SPATA2L: variants seen among roughly 807,000 people sequenced by gnomAD.
SPATA2L encodes spermatogenesis associated 2 like.
In SPATA2L, 5 loss-of-function variants were observed where a neutral mutation model predicts 8.7. The ratio of observed to expected loss-of-function variants is 0.57; its 90% CI spans 0.30 to 1.21. The LOEUF is 1.21. Among genes scored for constraint, SPATA2L ranks in the 50% most tolerant of loss-of-function variants. The probability of loss-of-function intolerance (pLI) is 0.07; values close to 1 mark genes in which losing one functional copy is unlikely to be tolerated. For missense variants in SPATA2L, 671 were observed against 591.0 expected (o/e 1.14, Z -1.40); for synonymous variants, 358 against 275.8 (o/e 1.30, Z -2.95).
rs553935508 is a variant in SPATA2L, at chr16:89,698,520, C to G, written c.304-215G>C. Among the ~76,000 whole-genome samples the G allele has an allele frequency of 1.3e-4, 14 of 106,834 alleles. No homozygotes were observed. The East Asian group carries it at 1.6e-3, about 12-fold the overall frequency. 70.1% of individuals were successfully genotyped at this position (106,834 alleles called of 152,430 possible). A position where few individuals can be genotyped will look rare whatever the true frequency, so the allele number is the denominator to read the frequency against. On this transcript the variant is annotated intron_variant, in intron 2 of 2. Coordinates refer to ENST00000289805, the MANE Select transcript of SPATA2L (RefSeq NM_152339.4). ...TTTTTTTTTGAGACAGAGTCTTGCT[C>G]TGTCATCCAGGCTGGAGTGCAGTGG...
intron 2 of SPATA2L, 119 bp from the exon 3 acceptor site, chr16:89,698,424 C>A: frequency 2.7e-6 from 3 of 1,105,792 alleles, no homozygotes; most frequent in Non-Finnish European, 3.8e-6. Context: ...CAGACCCAAC[C>A]CCAGAGACTA....
chr16:89,699,085 C>G (rs765008250), intron 2 of SPATA2L, among the ~76,000 whole-genome samples: 1 of 152,020 alleles, frequency 6.6e-6, no homozygotes, highest in African/African-American at 2.4e-5. Context: ...CGCACCTGGC[C>G]GAATTTCTTA....
Position 89,697,436 on chromosome 16 carries a change from G to T in SPATA2L, c.1173C>A (p.Gly391=). The change falls in exon 3 of 3, where the codon GGC becomes GGA. Residue 391 remains glycine (G), a synonymous_variant. Coordinates refer to ENST00000289805, the MANE Select transcript of SPATA2L (RefSeq NM_152339.4). The part of the protein sequence containing the change: ...HCAALPACRP[G]HSLRVLLGDA... ...CGCCAAGCAGCACACGCAGCGAGTG[G>T]CCTGGACGGCAGGCGGGCAGGGCTG... is the stretch of plus-strand genomic sequence containing the variant. 1 of 1,606,504 alleles carries T rather than the reference G, an allele frequency of 6.2e-7. No homozygotes were observed. Among genetic ancestry groups the T allele is most frequent in the African/African-American group, 1.3e-5 (1 of 74,954 alleles).
rs140781725 is a variant in SPATA2L, at chr16:89,698,281, C to T, written c.328G>A (p.Val110Met). The change falls in exon 3 of 3, where the codon GTG becomes ATG. Residue 110 changes from valine (V) to methionine (M), a missense_variant. Transcript: ENST00000289805. ...IKTFSGGYVH[V>M]LKGVLSDDLL... Reference sequence around the variant, plus strand: ...TCGTCTGAGAGCACACCCTTCAGCACGTGCACGTAGCCCCCAGAGAAGGTC... The same window carrying T: ...TCGTCTGAGAGCACACCCTTCAGCATGTGCACGTAGCCCCCAGAGAAGGTC... 6.3e-6 allele frequency: 10 copies of T among 1,579,716 alleles called. 1 individual carries two copies. In the East Asian group the frequency reaches 9.0e-5, roughly 14 times the overall value.
chr16:89,697,291 G>A lies in SPATA2L; in HGVS notation c.*43C>T, dbSNP rs548188626. 40 of 1,474,748 alleles carry A rather than the reference G, an allele frequency of 2.7e-5. 1 individual carries two copies. Among genetic ancestry groups the A allele is most frequent in the South Asian group, 7.6e-5 (5 of 66,036 alleles). 91.4% of individuals were successfully genotyped at this position (1,474,748 alleles called of 1,614,324 possible). ...CCTCCCCAGCAAAGAGAAGCACCAC[G>A]GGAGCTGTCTCCCAAGAGCCCTTGA... On this transcript the variant is annotated 3_prime_UTR_variant, in exon 3 of 3. Coordinates refer to ENST00000289805, the MANE Select transcript of SPATA2L (RefSeq NM_152339.4).
At position 89,697,634 on chromosome 16, in the gene SPATA2L, A is replaced by G. The variant is rs55645629; in HGVS notation, c.975T>C (p.Pro325=). The G allele has an allele frequency of 4.9e-3, 7,842 of 1,607,328 alleles. 41 individuals carry two copies. The highest frequency in any genetic ancestry group is 5.6e-3 in the Non-Finnish European group (6,555 of 1,179,804). ...ELSRPGDLAT[P]ESSAAASPRR... is the part of the protein sequence containing the mutation. Reference sequence around the variant, plus strand: ...TCGGGCTGGCCGCTGCAGAGCTTTCAGGGGTGGCCAGGTCCCCAGGCCTAC... The same window carrying G: ...TCGGGCTGGCCGCTGCAGAGCTTTCGGGGGTGGCCAGGTCCCCAGGCCTAC... Residue 325 remains proline (P), a synonymous_variant, in exon 3 of 3, where the codon CCT becomes CCC. Transcript: ENST00000289805.
In SPATA2L at chr16:89,696,878, G is replaced by A. The variant is rs373652639; in HGVS notation, c.*456C>T. 3.8e-5 allele frequency: 59 copies of A among 1,534,690 alleles called. No homozygotes were observed. The East Asian group carries it at 5.6e-4, about 15-fold the overall frequency. ...GCTCCAGCAGAGCTTGGGGTGGGGG[G>A]AGCTCGGTGTCACCAACAGGCCCTT... On this transcript the variant is annotated 3_prime_UTR_variant, in exon 3 of 3. Transcript: ENST00000289805.
intron 2 of SPATA2L, among the ~76,000 whole-genome samples, chr16:89,700,245 G>A (rs907288362): frequency 2.0e-5 from 3 of 152,240 alleles, no homozygotes; most frequent in African/African-American, 7.2e-5. Flanking sequence ...ATGAATGAAA[G>A]TCCTGGCGCC....
chr16:89,700,294 T>C (rs1567533964), intron 2 of SPATA2L, among the ~76,000 whole-genome samples: 1 of 152,222 alleles, frequency 6.6e-6, no homozygotes, highest in East Asian at 1.9e-4. Context: ...GCGGAGAGAC[T>C]GCCGCTGCCA....
chr16:89,701,328 C>G (rs2151612442), intron 1 of SPATA2L, 95 bp from the exon 2 acceptor site: 1 of 1,270,374 alleles, frequency 7.9e-7, no homozygotes, highest in African/African-American at 1.6e-5. Flanking sequence ...CCCAGGACCC[C>G]TCGAGCCTGG....
At position 89,698,049 on chromosome 16, in the gene SPATA2L, C is replaced by T. The variant is rs781609473; in HGVS notation, c.560G>A (p.Arg187His). 5 of 1,597,572 alleles carry T rather than the reference C, an allele frequency of 3.1e-6. No homozygotes were observed. The highest frequency in any genetic ancestry group is 1.3e-5 in the African/African-American group (1 of 74,894). ...ACAGGAGGCCACGTCCCCGCTGGCA[C>T]GCCGTGCCTGCAGCAGCTCCTCAGC... ...LPAEELLQARRASGDVASCVA... is the reference protein window; with the variant it reads ...LPAEELLQARHASGDVASCVA... The change falls in exon 3 of 3, where the codon CGT (arginine) becomes CAT (histidine). Residue 187 changes from arginine (R) to histidine (H), a missense_variant. By Grantham distance (29) the Arg-to-His change is conservative (BLOSUM62 0). Transcript: ENST00000289805.
intron 2 of SPATA2L, 112 bp from the exon 3 acceptor site, chr16:89,698,417 A>G (rs2060752348): frequency 1.7e-6 from 2 of 1,167,952 alleles, no homozygotes; most frequent in Non-Finnish European, 2.3e-6. Flanking sequence ...TGATGCTCAG[A>G]CCCAACCCCA....
At position 89,696,440 on chromosome 16, in the gene SPATA2L, G is replaced by C. The variant is rs763012988; in HGVS notation, c.*894C>G. 3.0e-5 allele frequency: 9 copies of C among 295,228 alleles called. No homozygotes were observed. The highest frequency in any genetic ancestry group is 4.5e-5 in the Non-Finnish European group (7 of 157,150). 18.3% of individuals were successfully genotyped at this position (295,228 alleles called of 1,614,324 possible). A position where few individuals can be genotyped will look rare whatever the true frequency, so the allele number is the denominator to read the frequency against. On this transcript the variant is annotated 3_prime_UTR_variant, in exon 3 of 3. Transcript: ENST00000289805. Reference sequence around the variant, plus strand: ...AGGAGGGGGTGGGGCGGAGGGTCAGGAAAGCAGGCTCAGCTTCCAGGGTCA... The same window carrying C: ...AGGAGGGGGTGGGGCGGAGGGTCAGCAAAGCAGGCTCAGCTTCCAGGGTCA...
intron 2 of SPATA2L, 105 bp downstream of exon 2, chr16:89,700,825 A>T: frequency 8.0e-7 from 1 of 1,249,764 alleles, no homozygotes; most frequent in Admixed American, 3.3e-5. Context: ...GGCACTGAGG[A>T]CACTTGAAGC....
Position 89,697,087 on chromosome 16 carries a change from C to T in SPATA2L, c.*247G>A, listed in dbSNP as rs541860491. 15 of 1,381,012 alleles carry T rather than the reference C, an allele frequency of 1.1e-5. No individual in the cohort carries two copies. The highest frequency in any genetic ancestry group is 5.6e-5 in the South Asian group (3 of 53,316). 85.5% of individuals were successfully genotyped at this position (1,381,012 alleles called of 1,614,324 possible). Reference sequence around the variant, plus strand: ...CCTCTACCCAGCACATGTGGGCATGCGTCTGGGTTCCGAGGGTGGGGAAAT... The same window carrying T: ...CCTCTACCCAGCACATGTGGGCATGTGTCTGGGTTCCGAGGGTGGGGAAAT... On this transcript the variant is annotated 3_prime_UTR_variant, in exon 3 of 3. Transcript: ENST00000289805.
At chr16:89,699,825 C>T (rs1022306242) in intron 2 of SPATA2L, among the ~76,000 whole-genome samples, 2 of 152,212 alleles carry the variant, frequency 1.3e-5, no homozygotes, top group African/African-American at 4.8e-5. Flanking sequence ...GCTGGGATTA[C>T]AGGCGTGAGC....
rs1436762162 is a variant in SPATA2L, at chr16:89,697,339, G to C, written c.1270C>G (p.Pro424Ala). The change falls in exon 3 of 3, where the codon CCC becomes GCC. Residue 424 changes from proline (P) to alanine (A), a missense_variant. By Grantham distance (27) the Pro-to-Ala change is conservative. Transcript: ENST00000289805. Reference sequence around the variant, plus strand: ...TGACCTGGGGCCCAGCTGGCCTAGGGCCGGGCCCCGGGGCTGTTGTAGAGC... The same window carrying C: ...TGACCTGGGGCCCAGCTGGCCTAGGCCCGGGCCCCGGGGCTGTTGTAGAGC... ...TLLYNSPGARP is the reference protein window; with the variant it reads ...TLLYNSPGARA 1 of 1,509,578 alleles carries C rather than the reference G, an allele frequency of 6.6e-7. No homozygotes were observed. Among genetic ancestry groups the C allele is most frequent in the Non-Finnish European group, 8.9e-7 (1 of 1,129,134 alleles). 93.5% of individuals were successfully genotyped at this position (1,509,578 alleles called of 1,614,324 possible).
chr16:89,697,445 G>T lies in SPATA2L; in HGVS notation c.1164C>A (p.Cys388Ter). 1 of 1,605,778 alleles carries T rather than the reference G, an allele frequency of 6.2e-7. No individual in the cohort carries two copies. Residue 388 changes from cysteine (C) to a stop codon, truncating the protein, a stop_gained, in exon 3 of 3, where the codon TGC becomes TGA. Transcript: ENST00000289805. LOFTEE classifies it low-confidence loss of function (END_TRUNC). ...GCACACGCAGCGAGTGGCCTGGACG[G>T]CAGGCGGGCAGGGCTGCACAGTGGG... ...HAAHCAALPACRPGHSLRVLL... is the reference protein window; with the variant it reads ...HAAHCAALPA
Position 89,696,754 on chromosome 16 carries a change from C to T in SPATA2L, c.*580G>A. On this transcript the variant is annotated 3_prime_UTR_variant, in exon 3 of 3. Coordinates refer to ENST00000289805, the MANE Select transcript of SPATA2L (RefSeq NM_152339.4). ...CTCCACATCTGGTTTGAGGTCAGGT[C>T]ATTTCCTGTCTGTGGGCCCAGCTGC... The T allele has an allele frequency of 4.6e-6, 7 of 1,524,058 alleles. No individual in the cohort carries two copies. Among genetic ancestry groups the T allele is most frequent in the Non-Finnish European group, 5.3e-6 (6 of 1,137,912 alleles). The allele number at this position is 1,524,058 out of a possible 1,614,324, so 94.4% of individuals were successfully genotyped here.
Sources: allele counts gnomAD v4.1 joint callset (sites outside exome capture counted in the v4.1 genomes callset), GRCh38; gene constraint gnomAD v4.1.1; transcripts MANE v1.5; gene names NCBI Gene and HGNC (gene_info 2026-07-23, HGNC 2026-07-21).